PRIMPOL: variants seen among roughly 807,000 people sequenced by gnomAD.
PRIMPOL encodes DNA-directed primase/polymerase protein.
Under a neutral mutation model 63.6 loss-of-function variants are expected in PRIMPOL, and 54 were observed. The ratio of observed to expected loss-of-function variants is 0.85; its 90% CI spans 0.68 to 1.07. The LOEUF (loss-of-function observed/expected upper bound fraction) is 1.07, where lower values mean the gene tolerates loss of function less well. PRIMPOL is among the 50% of genes least tolerant of loss of function. The pLI is 0.00. For missense variants in PRIMPOL, 610 were observed against 648.3 expected, an observed-to-expected ratio of 0.94 and a Z score of 0.64; for synonymous variants, 197 against 220.2, an observed-to-expected ratio of 0.89 and a Z score of 0.93.
chr4:184,662,181 T>C (rs1748541795), intron 5 of PRIMPOL, among the ~76,000 whole-genome samples: 2 of 152,288 alleles, frequency 1.3e-5, no homozygotes, highest in Middle Eastern at 3.4e-3. Flanking sequence ...TTTAAAATTA[T>C]ATATTAATTC....
rs374991118 is a variant in PRIMPOL at position 184,666,036 on chromosome 4, T to C, written c.528T>C (p.Asp176=). 44 of 1,607,762 alleles carry C rather than the reference T, an allele frequency of 2.7e-5. No homozygotes were observed. The African/African-American group carries it at 4.7e-4, about 17-fold the overall frequency. Residue 176 remains aspartate, a synonymous_variant, in exon 6 of 14, where the codon GAT becomes GAC. Transcript: ENST00000314970. The stretch of plus-strand genomic sequence containing the variant: ...GGCATTTAATATTTCAGCTCCATGA[T>C]GTGGCATTTAAAGATAATATTCATG... ...FSRHLIFQLH[D]VAFKDNIHVG... is the part of the protein sequence containing the mutation.
intron 6 of PRIMPOL, among the ~76,000 whole-genome samples, chr4:184,671,933 G>T (rs929631495): frequency 1.3e-5 from 2 of 151,798 alleles, no homozygotes; most frequent in African/African-American, 4.9e-5. Flanking sequence ...GTAGAGACGG[G>T]GTTTCACCGT....
At chr4:184,668,761 C>G (rs1036027742) in intron 6 of PRIMPOL, among the ~76,000 whole-genome samples, 1 of 152,134 alleles carries the variant, frequency 6.6e-6, no homozygotes, top group African/African-American at 2.4e-5. Context: ...AGGTCATTTC[C>G]TGTTTTCTTT....
At chr4:184,690,605 G>GC (rs112039488) in intron 11 of PRIMPOL, among the ~76,000 whole-genome samples, 8 of 151,990 alleles carry the variant, frequency 5.3e-5, no homozygotes, top group South Asian at 2.1e-4. Flanking sequence ...GATTACAGGT[G>GC]CCCCCCACCA....
intron 7 of PRIMPOL, among the ~76,000 whole-genome samples, chr4:184,674,835 A>G (rs191649692): frequency 8.6e-4 from 131 of 152,292 alleles, no homozygotes; most frequent in African/African-American, 2.9e-3. Flanking sequence ...TGTTTACACG[A>G]CGAATCATTC....
At chr4:184,657,808 A>G (rs113939158) in intron 3 of PRIMPOL, among the ~76,000 whole-genome samples, 12,933 of 151,936 alleles carry the variant, frequency 0.085, 737 homozygotes, top group Non-Finnish European at 0.13. Context: ...AGCCTCACCA[A>G]CATGGAGAAA....
At chr4:184,671,568 T>A (rs2150088670) in intron 6 of PRIMPOL, among the ~76,000 whole-genome samples, 1 of 152,282 alleles carries the variant, frequency 6.6e-6, no homozygotes, top group Middle Eastern at 3.4e-3. Context: ...GACAGCCTCT[T>A]AGGCTCAGGC....
chr4:184,657,374 C>T (rs1173266758), intron 3 of PRIMPOL, 54 bp downstream of exon 3: 14 of 1,213,668 alleles, frequency 1.2e-5, no homozygotes, highest in African/African-American at 1.0e-4. Context: ...CCTCTTCTTT[C>T]TTCTTCTTCT....
intron 2 of PRIMPOL, among the ~76,000 whole-genome samples, chr4:184,655,176 A>G (rs932600454): frequency 1.1e-4 from 16 of 151,652 alleles, no homozygotes; most frequent in African/African-American, 3.6e-4. Flanking sequence ...CGCCTGGCTA[A>G]TTTTTGTATT....
chr4:184,654,768 A>C (rs1372302804), intron 2 of PRIMPOL, among the ~76,000 whole-genome samples: 1 of 152,074 alleles, frequency 6.6e-6, no homozygotes, highest in Admixed American at 6.5e-5. Flanking sequence ...GTTTTTAAAA[A>C]AATTGCTTCA....
chr4:184,682,297 C>G lies in PRIMPOL; in HGVS notation c.1057C>G (p.Gln353Glu), dbSNP rs1450275708. The change falls in exon 9 of 14, where the codon CAA (glutamine) becomes GAA (glutamate). Residue 353 changes from glutamine (Q) to glutamate (E), a missense_variant. Physicochemically the swap from Gln to Glu is conservative, Grantham distance 29. Transcript: ENST00000314970. ...ILTCEPSQNK[Q>E]KGVGYFNSIG... ...TACATGTGAGCCATCTCAGAATAAA[C>G]AAAAAGGAGTTGGATATTTTAACAG... 6.2e-7 allele frequency: 1 copy of G among 1,604,156 alleles called. No individual in the cohort carries two copies. The highest frequency in any genetic ancestry group is 2.2e-5 in the East Asian group (1 of 44,772).
chr4:184,685,530 A>C (rs766648436), intron 10 of PRIMPOL, 32 bp downstream of exon 10: 1 of 1,593,046 alleles, frequency 6.3e-7, no homozygotes, highest in South Asian at 1.1e-5. Context: ...GTTAACTGTT[A>C]TATGATAGAG....
At chr4:184,679,858 A>G (rs572285830) in intron 8 of PRIMPOL, among the ~76,000 whole-genome samples, 2 of 152,332 alleles carry the variant, frequency 1.3e-5, no homozygotes, top group East Asian at 3.9e-4. Context: ...GAGGTGGAAC[A>G]GTTTCAGCCT....
At chr4:184,660,592 A>G (rs1465671633) in intron 4 of PRIMPOL, among the ~76,000 whole-genome samples, 1 of 152,210 alleles carries the variant, frequency 6.6e-6, no homozygotes. Flanking sequence ...AGTAGCTTCA[A>G]ATATGAAACT....
Position 184,649,911 on chromosome 4 carries a change from A to G in PRIMPOL, c.-138+3A>G, listed in dbSNP as rs1342299342. ...GGAGCAGGCCGGGACGCCCACCGGTAATTTCTGTCTCCTCTGCGATGACCT... is the reference window on the plus strand; with the variant it reads ...GGAGCAGGCCGGGACGCCCACCGGTGATTTCTGTCTCCTCTGCGATGACCT... On this transcript the variant is annotated splice_donor_region_variant and intron_variant, in intron 1 of 13. Coordinates refer to ENST00000314970, the MANE Select transcript of PRIMPOL (RefSeq NM_152683.4). The G allele has an allele frequency of 6.6e-6, 1 of 152,232 alleles. No individual in the cohort carries two copies. Among genetic ancestry groups the G allele is most frequent in the Non-Finnish European group, 1.5e-5 (1 of 68,094 alleles). The allele number at this position is 152,232 out of a possible 1,614,324, so 9.4% of individuals were successfully genotyped here.
chr4:184,686,215 A>C (rs906495148), intron 11 of PRIMPOL, among the ~76,000 whole-genome samples: 6 of 152,212 alleles, frequency 3.9e-5, no homozygotes, highest in African/African-American at 1.4e-4. Context: ...TTCTTTGCTA[A>C]GATAACCCCT....
In PRIMPOL at chr4:184,661,853, C is replaced by G; in HGVS notation, c.358C>G (p.Pro120Ala). Residue 120 changes from proline (P) to alanine (A), a missense_variant, in exon 5 of 14, where the codon CCT becomes GCT. This residue lies in a region of PRIMPOL where 159 missense variants were observed against 168.9 expected (regional missense o/e 0.94). Coordinates refer to ENST00000314970, the MANE Select transcript of PRIMPOL (RefSeq NM_152683.4). ...KLYFDLEFNK[P>A]ANPGADGKKM... ...TTATTTTGATTTGGAATTTAACAAACCTGCCAACCCAGGAGCTGATGGGAA... is the reference window on the plus strand; with the variant it reads ...TTATTTTGATTTGGAATTTAACAAAGCTGCCAACCCAGGAGCTGATGGGAA... 6.2e-7 allele frequency: 1 copy of G among 1,613,730 alleles called. No homozygotes were observed. Among genetic ancestry groups the G allele is most frequent in the Non-Finnish European group, 8.5e-7 (1 of 1,179,678 alleles).
At chr4:184,674,599 AC>A (rs1163666545) in intron 7 of PRIMPOL, among the ~76,000 whole-genome samples, 4 of 152,218 alleles carry the variant, frequency 2.6e-5, no homozygotes, top group Admixed American at 2.0e-4. Flanking sequence ...TCGGTGTATA[AC>A]TTTTGACTTC....
intron 11 of PRIMPOL, among the ~76,000 whole-genome samples, chr4:184,689,004 C>T (rs1470665166): frequency 3.3e-5 from 5 of 150,306 alleles, no homozygotes; most frequent in South Asian, 2.1e-4. Context: ...AGCCACTTTT[C>T]ATTCTTAAAT....
Sources: allele counts gnomAD v4.1 joint callset (sites outside exome capture counted in the v4.1 genomes callset), GRCh38; gene constraint gnomAD v4.1.1; regional missense constraint gnomAD v4.1.1; transcripts MANE v1.5; gene names NCBI Gene and HGNC (gene_info 2026-07-23, HGNC 2026-07-21).